Variants in CCDC158 observed in about 807,000 individuals in gnomAD.
CCDC158 encodes the protein coiled-coil domain-containing protein 158.
CCDC158 carries 116 observed loss-of-function variants against 138.6 expected under a neutral mutation model. The ratio of observed to expected loss-of-function variants is 0.84; its 90% CI spans 0.72 to 0.98. The LOEUF is 0.98. CCDC158 is among the 50% of genes least tolerant of loss of function. The pLI is 0.00. For synonymous variants in CCDC158, 436 were observed against 442.4 expected, an observed-to-expected ratio of 0.99 and a Z score of 0.18; for missense variants, 1,265 against 1,306.1, an observed-to-expected ratio of 0.97 and a Z score of 0.48.
chr4:76,384,353 A>G lies in CCDC158; in HGVS notation c.461T>C (p.Leu154Pro). 6.2e-7 allele frequency: 1 copy of G among 1,614,138 alleles called. No individual in the cohort carries two copies. The highest frequency in any genetic ancestry group is 8.5e-7 in the Non-Finnish European group (1 of 1,180,012). The change falls in exon 6 of 25, where the codon CTT becomes CCT. Residue 154 changes from leucine to proline, a missense_variant. By Grantham distance (98) the Leu-to-Pro change is moderately conservative. Coordinates refer to ENST00000682701, the MANE Select transcript of CCDC158 (RefSeq NM_001394954.1). ...RNQLQNTVHE[L>P]EAAKCLKEDM... ...CTCTTTAAGGCATTTGGCAGCTTCA[A>G]GTTCATGAACTGTATTTTGAAGCTG...
At chr4:76,408,724 A>G (rs528467686) in intron 2 of CCDC158, among the ~76,000 whole-genome samples, 1 of 152,298 alleles carries the variant, frequency 6.6e-6, no homozygotes, top group African/African-American at 2.4e-5. Context: ...GCTGGGTCAA[A>G]TGGTATTTCT....
chr4:76,400,298 G>A (rs568566306), intron 3 of CCDC158, among the ~76,000 whole-genome samples: 5 of 150,546 alleles, frequency 3.3e-5, no homozygotes, highest in South Asian at 2.1e-4. Context: ...GCAAACTATC[G>A]CAAGGACAGA....
At chr4:76,389,475 C>T (rs1727115870) in intron 4 of CCDC158, among the ~76,000 whole-genome samples, 1 of 151,888 alleles carries the variant, frequency 6.6e-6, no homozygotes. Context: ...TAGAAAATAG[C>T]CTCAAAAGGG....
chr4:76,350,634 TA>T (rs1447258819), intron 18 of CCDC158, among the ~76,000 whole-genome samples: 1 of 152,176 alleles, frequency 6.6e-6, no homozygotes, highest in Non-Finnish European at 1.5e-5. Context: ...ATAAATAAGT[TA>T]ACAAAGAAAC....
upstream of CCDC158, among the ~76,000 whole-genome samples, chr4:76,421,189 A>T (rs1416853903): frequency 6.6e-6 from 1 of 151,678 alleles, no homozygotes; most frequent in African/African-American, 2.4e-5. Flanking sequence ...GGCGCTGCCC[A>T]GTCCGCGCGA....
chr4:76,407,648 T>G (rs1728939467), intron 2 of CCDC158, among the ~76,000 whole-genome samples: 1 of 152,280 alleles, frequency 6.6e-6, no homozygotes, highest in East Asian at 1.9e-4. Flanking sequence ...AATGTTATCA[T>G]GAATTAGAGA....
intron 8 of CCDC158, among the ~76,000 whole-genome samples, chr4:76,382,199 A>T (rs1016595744): frequency 1.3e-5 from 2 of 152,030 alleles, no homozygotes; most frequent in African/African-American, 2.4e-5. Flanking sequence ...TTGCTTTGCC[A>T]TGGTATGATG....
At chr4:76,320,310 A>C (rs183786931) in intron 24 of CCDC158, among the ~76,000 whole-genome samples, 245 of 152,332 alleles carry the variant, frequency 1.6e-3, no homozygotes, top group African/African-American at 5.3e-3. Flanking sequence ...ACAAATGGAA[A>C]CACATTTCAT....
intron 1 of CCDC158, among the ~76,000 whole-genome samples, chr4:76,414,618 A>G (rs1365341304): frequency 6.6e-6 from 1 of 152,168 alleles, no homozygotes; most frequent in Non-Finnish European, 1.5e-5. Flanking sequence ...TGTGGGAGGG[A>G]CCCAGGATGA....
chr4:76,373,651 G>A lies in CCDC158; in HGVS notation c.1030-2115C>T, dbSNP rs562574144. ...CATCTCTCTTTAATAATAATCATAA[G>A]GAATAGAAGTTATATATATATCCAC... On this transcript the variant is annotated intron_variant, in intron 9 of 24. Transcript: ENST00000682701. Among the ~76,000 whole-genome samples, 426 of 151,852 alleles carry A rather than the reference G, an allele frequency of 2.8e-3. 2 individuals carry two copies. Among genetic ancestry groups the A allele is most frequent in the African/African-American group, 9.3e-3 (384 of 41,410 alleles).
intron 14 of CCDC158, among the ~76,000 whole-genome samples, chr4:76,355,882 A>G (rs1723513354): frequency 6.6e-6 from 1 of 151,540 alleles, no homozygotes; most frequent in African/African-American, 2.4e-5. Context: ...TATTACTAAA[A>G]TGATTTTTCA....
intron 1 of CCDC158, among the ~76,000 whole-genome samples, chr4:76,419,626 C>T (rs1729956792): frequency 6.6e-6 from 1 of 152,034 alleles, no homozygotes; most frequent in Non-Finnish European, 1.5e-5. Context: ...CAATATCTGC[C>T]TCTGTGGTCA....
chr4:76,329,374 A>G (rs1272571233), intron 21 of CCDC158, among the ~76,000 whole-genome samples: 2 of 152,104 alleles, frequency 1.3e-5, no homozygotes, highest in Non-Finnish European at 2.9e-5. Flanking sequence ...TCATGAGGTC[A>G]AGAGATAGAG....
chr4:76,367,505 C>T lies in CCDC158; in HGVS notation c.1619G>A (p.Gly540Glu). 3 of 1,614,180 alleles carry T rather than the reference C, an allele frequency of 1.9e-6. No homozygotes were observed. The highest frequency in any genetic ancestry group is 1.1e-5 in the South Asian group (1 of 91,078). Residue 540 changes from glycine (G) to glutamate (E), a missense_variant, in exon 12 of 25, where the codon GGG (glycine) becomes GAG (glutamate). Transcript: ENST00000682701. ...TGTCTGCACATTTCTGAGATGATCC[C>T]CTTCATTTTTCAAGTGTTGCAGCTC... is the stretch of plus-strand genomic sequence containing the variant. ...LQELQHLKNE[G>E]DHLRNVQTEC...
At chr4:76,415,277 A>C (rs772625243) in intron 1 of CCDC158, among the ~76,000 whole-genome samples, 2 of 152,168 alleles carry the variant, frequency 1.3e-5, no homozygotes, top group Non-Finnish European at 2.9e-5. Context: ...ATAAATTTCT[A>C]AGCAGCAAAC....
intron 3 of CCDC158, among the ~76,000 whole-genome samples, chr4:76,400,887 T>G (rs1273799449): frequency 1.3e-5 from 2 of 152,264 alleles, no homozygotes; most frequent in East Asian, 3.9e-4. Flanking sequence ...TACTGGCAAG[T>G]GACTGGCTGA....
intron 3 of CCDC158, among the ~76,000 whole-genome samples, chr4:76,397,572 T>C (rs181709768): frequency 1.3e-5 from 2 of 152,298 alleles, no homozygotes; most frequent in East Asian, 1.9e-4. Flanking sequence ...AAGTTGTTAA[T>C]GTTGGTAGTA....
chr4:76,342,111 C>T (rs1426996167), intron 18 of CCDC158, among the ~76,000 whole-genome samples: 2 of 152,054 alleles, frequency 1.3e-5, no homozygotes, highest in Non-Finnish European at 2.9e-5. Flanking sequence ...TACTCTGCTG[C>T]CCAGGCACTG....
chr4:76,359,946 T>C (rs28792694), intron 13 of CCDC158, among the ~76,000 whole-genome samples: 4,467 of 152,310 alleles, frequency 0.029, 217 homozygotes, highest in African/African-American at 0.1. Context: ...TTTCAGAGAC[T>C]TTCTCAGAAG....
Sources: allele counts gnomAD v4.1 joint callset (sites outside exome capture counted in the v4.1 genomes callset), GRCh38; gene constraint gnomAD v4.1.1; transcripts MANE v1.5; gene names NCBI Gene and HGNC (gene_info 2026-07-23, HGNC 2026-07-21).